The following SORCS3 variants were observed in gnomAD, a reference collection of about 807,000 sequenced individuals.
SORCS3 encodes the protein VPS10 domain-containing receptor SorCS3.
SORCS3 carries 57 observed loss-of-function variants against 146.3 expected under a neutral mutation model. The ratio of observed to expected loss-of-function variants is 0.39; its 90% CI spans 0.31 to 0.49. SORCS3 has a LOEUF of 0.49. Ranked by LOEUF, SORCS3 falls within the 20% of genes least tolerant of loss-of-function variation. The probability of loss-of-function intolerance (pLI) is 0.92; values close to 1 mark genes in which losing one functional copy is unlikely to be tolerated. For synonymous variants in SORCS3, 653 were observed against 618.5 expected (o/e 1.06, Z -0.83); for missense variants, 1,341 against 1,575.5 (o/e 0.85, Z 2.52).
chr10:105,062,308 T>C (rs74157406), intron 5 of SORCS3, among the ~76,000 whole-genome samples: 2,236 of 152,284 alleles, frequency 0.015, 50 homozygotes, highest in African/African-American at 0.051. Flanking sequence ...TTTAAACTGC[T>C]AATTAGCTGT....
intron 2 of SORCS3, among the ~76,000 whole-genome samples, chr10:104,894,292 A>T (rs1305545684): frequency 4.6e-5 from 7 of 152,212 alleles, no homozygotes; most frequent in Non-Finnish European, 7.3e-5. Flanking sequence ...TCATCTACCA[A>T]CATTTAATCA....
At chr10:104,704,168 A>AGT (rs1489371847) in intron 1 of SORCS3, among the ~76,000 whole-genome samples, 1 of 78,050 alleles carries the variant, frequency 1.3e-5, no homozygotes, top group Admixed American at 2.2e-4. Flanking sequence ...TCCTTCTATG[A>AGT]CTTTTTTTTT....
chr10:105,118,967 G>A (rs2055912056), intron 7 of SORCS3, among the ~76,000 whole-genome samples: 1 of 152,174 alleles, frequency 6.6e-6, no homozygotes, highest in Admixed American at 6.5e-5. Flanking sequence ...CATAAGTAAT[G>A]AGCCAAATGT....
At chr10:104,988,942 T>A (rs190917195) in intron 4 of SORCS3, among the ~76,000 whole-genome samples, 1 of 152,292 alleles carries the variant, frequency 6.6e-6, no homozygotes, top group African/African-American at 2.4e-5. Flanking sequence ...TCTAGCCAAT[T>A]TGAAATTAAA....
chr10:105,132,168 A>G (rs891178535), intron 7 of SORCS3, among the ~76,000 whole-genome samples: 2 of 152,156 alleles, frequency 1.3e-5, no homozygotes, highest in African/African-American at 4.8e-5. Context: ...AGTATGTTAT[A>G]TGATTTTCCT....
intron 1 of SORCS3, among the ~76,000 whole-genome samples, chr10:104,675,668 T>C (rs868218505): frequency 2.1e-4 from 32 of 152,204 alleles, no homozygotes; most frequent in African/African-American, 6.3e-4. Flanking sequence ...AAATCAGGCG[T>C]CTTACTTGTG....
chr10:104,654,189 T>C (rs1246522836), intron 1 of SORCS3, among the ~76,000 whole-genome samples: 1 of 152,228 alleles, frequency 6.6e-6, no homozygotes, highest in Non-Finnish European at 1.5e-5. Flanking sequence ...CACGTTTTCT[T>C]TATCCATTCA....
intron 3 of SORCS3, among the ~76,000 whole-genome samples, chr10:104,942,163 T>C (rs1489816778): frequency 1.3e-5 from 2 of 152,224 alleles, no homozygotes; most frequent in Non-Finnish European, 2.9e-5. Context: ...AGGAGAATCA[T>C]AGATGGAATC....
At chr10:105,224,113 C>T (rs1356942365) in intron 20 of SORCS3, among the ~76,000 whole-genome samples, 1 of 152,158 alleles carries the variant, frequency 6.6e-6, no homozygotes, top group Non-Finnish European at 1.5e-5. Context: ...CCATAGTTTA[C>T]TTTAGATTCA....
In SORCS3 at chr10:104,908,128, T is replaced by C. The variant is rs529094651; in HGVS notation, c.696-7705T>C. Among the ~76,000 whole-genome samples, 6 of 152,324 alleles carry C rather than the reference T, an allele frequency of 3.9e-5. No homozygotes were observed. The South Asian group carries it at 1.0e-3, about 26-fold the overall frequency. Reference sequence around the variant, plus strand: ...GCACCTAATAGCCTATGGTCTTTGATTGTTGACAATCCTCAGTGTATCTCA... The same window carrying C: ...GCACCTAATAGCCTATGGTCTTTGACTGTTGACAATCCTCAGTGTATCTCA... On this transcript the variant is annotated intron_variant, in intron 2 of 26. Transcript: ENST00000369701.
intron 9 of SORCS3, among the ~76,000 whole-genome samples, chr10:105,156,135 T>TTTA (rs1454150650): frequency 6.6e-6 from 1 of 152,206 alleles, no homozygotes; most frequent in African/African-American, 2.4e-5. Flanking sequence ...AACTTTAAGA[T>TTTA]ATCTGAGTAT....
At chr10:104,900,617 G>C (rs1039959915) in intron 2 of SORCS3, among the ~76,000 whole-genome samples, 12 of 152,044 alleles carry the variant, frequency 7.9e-5, no homozygotes, top group African/African-American at 2.4e-4. Flanking sequence ...ATGGCCTGGT[G>C]CGGACGCTCA....
intron 1 of SORCS3, among the ~76,000 whole-genome samples, chr10:104,768,954 C>T (rs1418442200): frequency 6.6e-6 from 1 of 152,106 alleles, no homozygotes; most frequent in Non-Finnish European, 1.5e-5. Context: ...ATCCAAATGG[C>T]CTTAGAGAGT....
chr10:104,766,115 C>T (rs1304233586), intron 1 of SORCS3, among the ~76,000 whole-genome samples: 1 of 152,212 alleles, frequency 6.6e-6, no homozygotes, highest in African/African-American at 2.4e-5. Context: ...AGCAGGGTTC[C>T]CCAAATGACC....
chr10:104,751,968 T>TATATATAA (rs1369449514), intron 1 of SORCS3, among the ~76,000 whole-genome samples: 30 of 128,442 alleles, frequency 2.3e-4, no homozygotes, highest in Non-Finnish European at 4.3e-4. Context: ...TATATATATA[T>TATATATAA]AATAGTTTAG....
chr10:105,243,965 G>A (rs1211044962), intron 20 of SORCS3, among the ~76,000 whole-genome samples: 1 of 152,118 alleles, frequency 6.6e-6, no homozygotes, highest in South Asian at 2.1e-4. Flanking sequence ...GTGAAGGACT[G>A]TCCTGCCCCT....
chr10:104,896,063 T>A (rs975030342), intron 2 of SORCS3, among the ~76,000 whole-genome samples: 12 of 152,356 alleles, frequency 7.9e-5, no homozygotes, highest in African/African-American at 2.6e-4. Flanking sequence ...AGAGTCCCTT[T>A]TTCCTGGGAG....
intron 2 of SORCS3, among the ~76,000 whole-genome samples, chr10:104,883,980 G>GT (rs371165312): frequency 2.0e-5 from 3 of 149,726 alleles, no homozygotes; most frequent in Non-Finnish European, 4.4e-5. Context: ...TGGAATGAGG[G>GT]GGGGGAAAGG....
chr10:105,153,846 G>T (rs992191686), intron 9 of SORCS3, among the ~76,000 whole-genome samples: 1 of 151,856 alleles, frequency 6.6e-6, no homozygotes, highest in African/African-American at 2.4e-5. Flanking sequence ...CCAGGCGGGC[G>T]AATCATGAGG....
Sources: gnomAD v4.1 joint callset for allele counts (sites outside exome capture counted in the v4.1 genomes callset) on GRCh38, gnomAD v4.1.1 for gene constraint, MANE v1.5 for transcripts, NCBI Gene and HGNC (gene_info 2026-07-23, HGNC 2026-07-21) for gene names.